The following CHD7 variants were observed in gnomAD, a reference collection of about 807,000 sequenced individuals.
CHD7 encodes ATP-dependent chromatin remodeler CHD7.
Under a neutral mutation model 307.3 loss-of-function variants are expected in CHD7, and 24 were observed. The observed-to-expected ratio is 0.08, with a 90% CI of 0.06 to 0.11. CHD7 has a LOEUF of 0.11. Ranked by LOEUF, CHD7 falls within the 10% of genes least tolerant of loss-of-function variation. The pLI is 1.00. For synonymous variants in CHD7, 1,363 were observed against 1,349.9 expected (o/e 1.01, Z -0.21); for missense variants, 3,106 against 3,727.1 (o/e 0.83, Z 4.34).
chr8:60,821,851 G>T lies in CHD7; in HGVS notation c.2759G>T (p.Arg920Leu). 1 of 1,597,496 alleles carries T rather than the reference G, an allele frequency of 6.3e-7. No homozygotes were observed. The highest frequency in any genetic ancestry group is 1.1e-5 in the South Asian group (1 of 88,510). Residue 920 changes from arginine (R) to leucine (L), a missense_variant, in exon 10 of 38, where the codon CGG becomes CTG. By Grantham distance (102) the Arg-to-Leu change is moderately radical. Around this residue, in one of 10 missense-constraint regions of CHD7, gnomAD observed 188 missense variants for 261.7 expected, o/e 0.72. Coordinates refer to ENST00000423902, the MANE Select transcript of CHD7 (RefSeq NM_017780.4). ...SLPYEDSTWERRQDIDQAKIE... is the reference protein window; with the variant it reads ...SLPYEDSTWELRQDIDQAKIE... Reference sequence around the variant, plus strand: ...CCTTATGAAGACAGCACGTGGGAGCGGAGGCAGGACATAGATCAAGCAAAG... The same window carrying T: ...CCTTATGAAGACAGCACGTGGGAGCTGAGGCAGGACATAGATCAAGCAAAG...
intron 4 of CHD7, 71 bp from the exon 5 acceptor site, chr8:60,800,317 C>G: frequency 6.6e-7 from 1 of 1,507,404 alleles, no homozygotes; most frequent in East Asian, 2.4e-5. Context: ...CAGGCGTGAG[C>G]CACTGCGCTC....
rs182035724 is a variant in CHD7 at position 60,683,337 on chromosome 8, A to G, written c.-175+4255A>G. ...TACAAAGATGGAATGATTTATTTCAATTTGGGTATCACTCAGGTTGCAGTG... is the reference window on the plus strand; with the variant it reads ...TACAAAGATGGAATGATTTATTTCAGTTTGGGTATCACTCAGGTTGCAGTG... On this transcript the variant is annotated intron_variant, in intron 1 of 37. Transcript: ENST00000423902. Among the ~76,000 whole-genome samples the G allele has an allele frequency of 6.6e-5, 10 of 152,348 alleles. No individual in the cohort carries two copies. The South Asian group carries it at 1.9e-3, about 28-fold the overall frequency.
In CHD7 at chr8:60,819,937, G is replaced by A. The variant is rs569850092; in HGVS notation, c.2614-70G>A. The A allele has an allele frequency of 9.5e-5, 98 of 1,032,078 alleles. No individual in the cohort carries two copies. In the South Asian group the frequency reaches 1.3e-3, roughly 14 times the overall value. 63.9% of individuals were successfully genotyped at this position (1,032,078 alleles called of 1,614,324 possible). ...GTGACCCAAAATATTATTGCTTGGT[G>A]AAAAGTGGAATAGTATTTCATCTTA... On this transcript the variant is annotated intron_variant, in intron 8 of 37. Coordinates refer to ENST00000423902, the MANE Select transcript of CHD7 (RefSeq NM_017780.4).
chr8:60,817,567 T>A (rs924962299), intron 8 of CHD7, among the ~76,000 whole-genome samples: 5 of 152,172 alleles, frequency 3.3e-5, no homozygotes, highest in Non-Finnish European at 2.9e-5. Flanking sequence ...CCTGGCACTC[T>A]GAGTGTGCAG....
intron 1 of CHD7, among the ~76,000 whole-genome samples, chr8:60,718,193 G>A (rs56282500): frequency 6.6e-6 from 1 of 152,182 alleles, no homozygotes; most frequent in African/African-American, 2.4e-5. Context: ...AAGAAAGTTT[G>A]AAGTTGGTCG....
intron 6 of CHD7, among the ~76,000 whole-genome samples, chr8:60,806,577 G>T (rs958090753): frequency 7.9e-5 from 12 of 152,136 alleles, no homozygotes; most frequent in South Asian, 6.2e-4. Context: ...TGATACATTG[G>T]TTTAAAATAG....
At chr8:60,680,303 TGGGCTCGCTGGGGGCGCG>T (rs1353362496) in intron 1 of CHD7, among the ~76,000 whole-genome samples, 2 of 135,860 alleles carry the variant, frequency 1.5e-5, no homozygotes, top group African/African-American at 5.5e-5. Flanking sequence ...CACCGGGGAT[TGGGCTCGCTGGGGGCGCG>T]GGGCTCGGGC....
At chr8:60,839,261 T>C (rs1804867870) in intron 19 of CHD7, among the ~76,000 whole-genome samples, 1 of 152,274 alleles carries the variant, frequency 6.6e-6, no homozygotes, top group African/African-American at 2.4e-5. Flanking sequence ...TGTTGTAGCA[T>C]GGATCAGTAG....
At position 60,862,668 on chromosome 8, in the gene CHD7, A is replaced by G. The variant is rs1236099189; in HGVS notation, c.8076+16A>G. The G allele has an allele frequency of 1.3e-6, 2 of 1,487,730 alleles. No homozygotes were observed. Among genetic ancestry groups the G allele is most frequent in the Non-Finnish European group, 1.8e-6 (2 of 1,088,374 alleles). The allele number at this position is 1,487,730 out of a possible 1,614,324, so 92.2% of individuals were successfully genotyped here. On this transcript the variant is annotated intron_variant, in intron 37 of 37. Transcript: ENST00000423902. The stretch of plus-strand genomic sequence containing the variant: ...TAAGCAGTCTGTAAGTACAAACTGC[A>G]TTTCTATCAAGAAAGGTAGCTATAC...
At position 60,816,454 on chromosome 8, in the gene CHD7, A is replaced by G. The variant is rs764535247; in HGVS notation, c.2566A>G (p.Ile856Val). 3.1e-6 allele frequency: 5 copies of G among 1,610,580 alleles called. No individual in the cohort carries two copies. Among genetic ancestry groups the G allele is most frequent in the Non-Finnish European group, 4.2e-6 (5 of 1,178,204 alleles). Residue 856 changes from isoleucine (I) to valine (V), a missense_variant, in exon 8 of 38, where the codon ATT becomes GTT. Coordinates refer to ENST00000423902, the MANE Select transcript of CHD7 (RefSeq NM_017780.4). ...AAAAGATAAGAGAATTCAGCAAAAAATTAAACGATTTAAGGCAAAGCAGGG... is the reference window on the plus strand; with the variant it reads ...AAAAGATAAGAGAATTCAGCAAAAAGTTAAACGATTTAAGGCAAAGCAGGG... ...LEKDKRIQQK[I>V]KRFKAKQGQN...
intron 1 of CHD7, among the ~76,000 whole-genome samples, chr8:60,716,647 C>T (rs1328746366): frequency 6.6e-6 from 1 of 152,208 alleles, no homozygotes; most frequent in Non-Finnish European, 1.5e-5. Flanking sequence ...TGGTTTTTCT[C>T]TCTTACTTTC....
At chr8:60,680,083 C>T (rs1317431632) in intron 1 of CHD7, among the ~76,000 whole-genome samples, 2 of 151,422 alleles carry the variant, frequency 1.3e-5, no homozygotes, top group Admixed American at 6.5e-5. Context: ...TTTAACCTTC[C>T]AACGCAACTC....
chr8:60,844,726 C>A, intron 21 of CHD7, 138 bp from the exon 22 acceptor site: 2 of 662,390 alleles, frequency 3.0e-6, no homozygotes, highest in Non-Finnish European at 2.5e-6. Flanking sequence ...CTCTTGCACC[C>A]TGGATTTCTT....
intron 31 of CHD7, 85 bp downstream of exon 31, chr8:60,853,585 CT>C: frequency 9.7e-7 from 1 of 1,031,664 alleles, no homozygotes; most frequent in Non-Finnish European, 1.4e-6. Flanking sequence ...GGCACCTGCT[CT>C]TTTTCACGAG....
At chr8:60,864,976 A>G in intron 37 of CHD7, 40 bp from the exon 38 acceptor site, 1 of 1,536,506 alleles carries the variant, frequency 6.5e-7, no homozygotes, top group Non-Finnish European at 8.8e-7. Flanking sequence ...GTTGTCTTCG[A>G]CAGCCTTTAT....
chr8:60,698,984 A>G (rs1316972775), intron 1 of CHD7, among the ~76,000 whole-genome samples: 1 of 152,134 alleles, frequency 6.6e-6, no homozygotes, highest in African/African-American at 2.4e-5. Flanking sequence ...GGGTTTCACC[A>G]TGTGGCTCAG....
Position 60,689,072 on chromosome 8 carries a change from T to A in CHD7, c.-175+9990T>A, listed in dbSNP as rs142134155. Among the ~76,000 whole-genome samples, 69 of 152,322 alleles carry A rather than the reference T, an allele frequency of 4.5e-4. No individual in the cohort carries two copies. In the East Asian group the frequency reaches 0.011, roughly 25 times the overall value. ...GGTAGCCTACTTAGAATCTCACTGC[T>A]ACCCAGATTGGCAGGGAAATGGAAG... On this transcript the variant is annotated intron_variant, in intron 1 of 37. Transcript: ENST00000423902.
intron 2 of CHD7, among the ~76,000 whole-genome samples, chr8:60,755,935 C>G (rs1207729518): frequency 6.6e-6 from 1 of 152,150 alleles, no homozygotes; most frequent in African/African-American, 2.4e-5. Flanking sequence ...CTAGTACTGT[C>G]CGTGATCTTT....
At position 60,856,633 on chromosome 8, in the gene CHD7, A is replaced by C. The variant is rs1382581710; in HGVS notation, c.7353A>C (p.Ala2451=). The C allele has an allele frequency of 4.3e-6, 7 of 1,614,068 alleles. No individual in the cohort carries two copies. Among genetic ancestry groups the C allele is most frequent in the South Asian group, 1.1e-5 (1 of 91,084 alleles). ...VVDLSKASRE[A]TSSTSNFSSL... is the part of the protein sequence containing the mutation. ...ATTTATCAAAGGCCTCAAGAGAGGC[A>C]ACAAGCTCTACCTCAAATTTTTCAT... The change falls in exon 34 of 38, where the codon GCA becomes GCC. Residue 2451 remains alanine (A), a synonymous_variant. Transcript: ENST00000423902.
Sources: allele counts gnomAD v4.1 joint callset (sites outside exome capture counted in the v4.1 genomes callset), GRCh38; gene constraint gnomAD v4.1.1; regional missense constraint gnomAD v4.1.1; transcripts MANE v1.5; gene names NCBI Gene and HGNC (gene_info 2026-07-23, HGNC 2026-07-21).